The following KCNMA1 variants were observed in gnomAD, a reference collection of about 807,000 sequenced individuals.
KCNMA1 encodes the protein Calcium-activated potassium channel subunit alpha-1.
Under a neutral mutation model 140.0 loss-of-function variants are expected in KCNMA1, and 29 were observed. That is an observed-to-expected ratio of 0.21 (90% CI 0.15 to 0.28). The LOEUF is 0.28. Among genes scored for constraint, KCNMA1 ranks in the 10% least tolerant of loss-of-function variants. KCNMA1 has a pLI of 1.00. For synonymous variants in KCNMA1, 612 were observed against 611.9 expected, an observed-to-expected ratio of 1.00 and a Z score of 0.00; for missense variants, 880 against 1,602.2, an observed-to-expected ratio of 0.55 and a Z score of 7.70.
At chr10:77,493,865 G>GCC (rs35996461) in intron 1 of KCNMA1, 23,057 of 152,176 alleles carry the variant, frequency 0.15, 2,039 homozygotes, top group Middle Eastern at 0.25. Flanking sequence ...AGACTTCTGG[G>GCC]CCTCGCGTGG....
chr10:77,145,162 T>C (rs1301947611), intron 5 of KCNMA1, among the ~76,000 whole-genome samples: 1 of 152,114 alleles, frequency 6.6e-6, no homozygotes, highest in African/African-American at 2.4e-5. Flanking sequence ...CCTGTAGGTG[T>C]GGCAATAAAT....
intron 25 of KCNMA1, among the ~76,000 whole-genome samples, chr10:76,892,602 G>T (rs1487836110): frequency 2.0e-5 from 3 of 152,196 alleles, no homozygotes; most frequent in African/African-American, 7.2e-5. Context: ...TTTTGAGGAT[G>T]CACTTTGGAA....
chr10:77,267,064 G>C (rs1467366881), intron 2 of KCNMA1, among the ~76,000 whole-genome samples: 2 of 152,212 alleles, frequency 1.3e-5, no homozygotes, highest in Non-Finnish European at 2.9e-5. Context: ...TTTGCAGGCT[G>C]TGGAGTCTAG....
intron 5 of KCNMA1, among the ~76,000 whole-genome samples, chr10:77,156,855 G>A (rs1047572988): frequency 3.3e-5 from 5 of 152,074 alleles, no homozygotes; most frequent in Non-Finnish European, 2.9e-5. Context: ...GACTCAACAC[G>A]AGTGGACTGT....
chr10:76,876,098 G>A (rs915624080), downstream of KCNMA1: 1 of 152,606 alleles, frequency 6.6e-6, no homozygotes, highest in Non-Finnish European at 1.5e-5. Context: ...TTTTGCCTAC[G>A]CTGGTAATTG....
intron 1 of KCNMA1, among the ~76,000 whole-genome samples, chr10:77,607,582 G>T (rs1298255400): frequency 6.6e-6 from 1 of 152,172 alleles, no homozygotes; most frequent in African/African-American, 2.4e-5. Context: ...ACACAGAAGA[G>T]AAAGTAAGAG....
chr10:77,579,952 C>T (rs531640033), intron 1 of KCNMA1, among the ~76,000 whole-genome samples: 1 of 152,320 alleles, frequency 6.6e-6, no homozygotes, highest in South Asian at 2.1e-4. Context: ...GCCTCTCGTC[C>T]TAGCAAACCA....
At chr10:77,126,717 A>ACCC (rs1249928637) in intron 5 of KCNMA1, among the ~76,000 whole-genome samples, 7 of 68,412 alleles carry the variant, frequency 1.0e-4, no homozygotes, top group African/African-American at 3.7e-4. Context: ...GGTGCCCCCC[A>ACCC]CCCCCCCACC....
At chr10:77,606,204 T>C (rs887377832) in intron 1 of KCNMA1, among the ~76,000 whole-genome samples, 6 of 152,026 alleles carry the variant, frequency 3.9e-5, no homozygotes, top group African/African-American at 1.5e-4. Context: ...AAGTTTTGGG[T>C]CCCACTGTCC....
intron 1 of KCNMA1, among the ~76,000 whole-genome samples, chr10:77,468,763 T>G (rs544700586): frequency 2.7e-4 from 41 of 152,282 alleles, no homozygotes; most frequent in Middle Eastern, 3.4e-3. Context: ...ACTAATACAG[T>G]GCCTCCCTTT....
chr10:77,141,834 T>A lies in KCNMA1; in HGVS notation c.809-20786A>T, dbSNP rs2098177713. Among the ~76,000 whole-genome samples the A allele has an allele frequency of 2.0e-5, 3 of 152,382 alleles. No homozygotes were observed. In the Middle Eastern group the frequency reaches 0.01, roughly 518 times the overall value. Reference sequence around the variant, plus strand: ...TATTTTTTCAGACCTCTAGCAAGGCTAAAATTATTGGTAGAATTTTCAAAG... The same window carrying A: ...TATTTTTTCAGACCTCTAGCAAGGCAAAAATTATTGGTAGAATTTTCAAAG... On this transcript the variant is annotated intron_variant, in intron 5 of 27. Transcript: ENST00000286628.
intron 25 of KCNMA1, among the ~76,000 whole-genome samples, chr10:76,908,145 T>C (rs11001926): frequency 0.036 from 5,464 of 152,290 alleles, 160 homozygotes; most frequent in East Asian, 0.13. Context: ...CAAAATCCAT[T>C]TGAAACTGGA....
chr10:77,493,849 A>C (rs1239023362), intron 1 of KCNMA1: 2 of 150,328 alleles, frequency 1.3e-5, no homozygotes, highest in Non-Finnish European at 3.0e-5. Flanking sequence ...CCTCCAAAGC[A>C]CTGGAAGACT....
intron 22 of KCNMA1, 189 bp downstream of exon 22, chr10:76,948,953 T>G: frequency 1.5e-6 from 1 of 649,610 alleles, no homozygotes; most frequent in South Asian, 1.8e-5. Context: ...GGCTGCAAAT[T>G]CCTTTTAATA....
chr10:77,220,764 T>TTA (rs1555008304), intron 3 of KCNMA1, among the ~76,000 whole-genome samples: 1 of 102,944 alleles, frequency 9.7e-6, no homozygotes, highest in Non-Finnish European at 2.4e-5. Context: ...CAGTTTCTGC[T>TTA]AAAAAAAGTC....
intron 5 of KCNMA1, among the ~76,000 whole-genome samples, chr10:77,153,909 A>C (rs1024087689): frequency 2.6e-5 from 4 of 152,070 alleles, no homozygotes; most frequent in Admixed American, 1.3e-4. Context: ...TTGCTTATTA[A>C]CTTTCCCAAC....
At chr10:77,435,865 C>T (rs1267943587) in intron 1 of KCNMA1, among the ~76,000 whole-genome samples, 2 of 152,206 alleles carry the variant, frequency 1.3e-5, no homozygotes, top group South Asian at 2.1e-4. Flanking sequence ...ATGTACCCAA[C>T]CCATCCACCT....
At chr10:77,393,122 A>G (rs1196076253) in intron 2 of KCNMA1, among the ~76,000 whole-genome samples, 1 of 152,220 alleles carries the variant, frequency 6.6e-6, no homozygotes, top group Non-Finnish European at 1.5e-5. Context: ...CGCAGCCTGG[A>G]CAAGCCTGAA....
chr10:77,184,037 A>G (rs1469721237), intron 4 of KCNMA1, among the ~76,000 whole-genome samples: 1 of 151,054 alleles, frequency 6.6e-6, no homozygotes, highest in Non-Finnish European at 1.5e-5. Flanking sequence ...AAATATAACT[A>G]TAAATAAAGC....
Sources: allele counts gnomAD v4.1 joint callset (sites outside exome capture counted in the v4.1 genomes callset), GRCh38; gene constraint gnomAD v4.1.1; transcripts MANE v1.5; gene names NCBI Gene and HGNC (gene_info 2026-07-23, HGNC 2026-07-21).